The following PHF20 variants were observed in gnomAD, a reference collection of about 807,000 sequenced individuals.
PHF20 encodes glioma-expressed antigen 2.
Under a neutral mutation model 113.5 loss-of-function variants are expected in PHF20, and 23 were observed. That is an observed-to-expected ratio of 0.20 (90% CI 0.15 to 0.29). PHF20 has a LOEUF of 0.29. Ranked by LOEUF, PHF20 falls within the 10% of genes least tolerant of loss-of-function variation. The probability of loss-of-function intolerance (pLI) is 1.00; values close to 1 mark genes in which losing one functional copy is unlikely to be tolerated. For synonymous variants in PHF20, 434 were observed against 457.3 expected, an observed-to-expected ratio of 0.95 and a Z score of 0.65; for missense variants, 943 against 1,219.6, an observed-to-expected ratio of 0.77 and a Z score of 3.38.
intron 2 of PHF20, among the ~76,000 whole-genome samples, chr20:35,819,346 G>A (rs555922336): frequency 1.3e-5 from 2 of 152,176 alleles, no homozygotes; most frequent in Admixed American, 6.6e-5. Flanking sequence ...TGCTGCCTTC[G>A]CCTTCTTCCT....
At chr20:35,865,817 C>T (rs1403264429) in intron 6 of PHF20, among the ~76,000 whole-genome samples, 1 of 152,092 alleles carries the variant, frequency 6.6e-6, no homozygotes, top group South Asian at 2.1e-4. Context: ...ACCAAACCCT[C>T]TTATGTGATG....
intron 9 of PHF20, among the ~76,000 whole-genome samples, chr20:35,885,416 A>G (rs2054708418): frequency 6.8e-6 from 1 of 147,542 alleles, no homozygotes; most frequent in Non-Finnish European, 1.5e-5. Context: ...AATCTGAAAC[A>G]GACCTTCAGT....
intron 4 of PHF20, among the ~76,000 whole-genome samples, chr20:35,856,113 C>G (rs1034433469): frequency 6.6e-6 from 1 of 152,042 alleles, no homozygotes; most frequent in East Asian, 1.9e-4. Flanking sequence ...CTGCCTACTA[C>G]CCTTCCTAGC....
chr20:35,917,136 A>T (rs749527246), intron 12 of PHF20: 23 of 383,426 alleles, frequency 6.0e-5, no homozygotes, highest in Admixed American at 1.1e-4. Flanking sequence ...GGATGGAGTG[A>T]GGCTGAAGAA....
In PHF20 at chr20:35,917,589, G is replaced by A. The variant is rs370502808; in HGVS notation, c.1931G>A (p.Gly644Glu). ...ACCAACCCAGATGAGGAACTTGATG[G>A]GGATGACCGCTATGACTTCGAGGTG... Reference protein sequence around the residue: ...VTTNPDEELDGDDRYDFEVVR... With the variant: ...VTTNPDEELDEDDRYDFEVVR... Residue 644 changes from glycine (G) to glutamate (E), a missense_variant, in exon 13 of 18, where the codon GGG becomes GAG. Coordinates refer to ENST00000374012, the MANE Select transcript of PHF20 (RefSeq NM_016436.5). 44 of 1,613,964 alleles carry A rather than the reference G, an allele frequency of 2.7e-5. No individual in the cohort carries two copies. The highest frequency in any genetic ancestry group is 3.3e-5 in the Non-Finnish European group (39 of 1,180,016).
chr20:35,812,276 T>C (rs2041992092), intron 2 of PHF20, among the ~76,000 whole-genome samples: 1 of 152,178 alleles, frequency 6.6e-6, no homozygotes, highest in African/African-American at 2.4e-5. Flanking sequence ...CCAGACAGGA[T>C]CCACATTACT....
At chr20:35,827,322 A>C (rs959924289) in intron 2 of PHF20, among the ~76,000 whole-genome samples, 1 of 152,224 alleles carries the variant, frequency 6.6e-6, no homozygotes, top group African/African-American at 2.4e-5. Flanking sequence ...CAAACTGTTT[A>C]TATAGCAAAG....
intron 9 of PHF20, among the ~76,000 whole-genome samples, chr20:35,873,564 G>A (rs1034007846): frequency 4.6e-4 from 69 of 150,462 alleles, no homozygotes; most frequent in Non-Finnish European, 1.2e-4. Context: ...TGCCTCCCGG[G>A]TTGAAGCGAT....
At chr20:35,822,677 T>C (rs1600784778) in intron 2 of PHF20, among the ~76,000 whole-genome samples, 1 of 150,048 alleles carries the variant, frequency 6.7e-6, no homozygotes, top group Non-Finnish European at 1.5e-5. Flanking sequence ...CTACAAAAAA[T>C]AAAACAAATT....
intron 4 of PHF20, among the ~76,000 whole-genome samples, chr20:35,851,649 C>T (rs1365604076): frequency 6.9e-6 from 1 of 145,264 alleles, no homozygotes; most frequent in African/African-American, 2.5e-5. Flanking sequence ...GGCGCAGTGG[C>T]TTATGCCTGT....
At chr20:35,889,303 C>T (rs573337235) in intron 9 of PHF20, among the ~76,000 whole-genome samples, 3 of 151,924 alleles carry the variant, frequency 2.0e-5, no homozygotes, top group East Asian at 3.9e-4. Flanking sequence ...CGTGAGCCAC[C>T]GTGCCTGGTG....
intron 2 of PHF20, among the ~76,000 whole-genome samples, chr20:35,822,992 A>C (rs975491307): frequency 4.0e-5 from 6 of 151,776 alleles, no homozygotes; most frequent in African/African-American, 1.5e-4. Context: ...CCTCAGTACC[A>C]CCCAAGGACC....
At chr20:35,791,155 C>CTTCTTCCCTCTTTTCATT (rs1569120001) in intron 1 of PHF20, among the ~76,000 whole-genome samples, 1 of 152,116 alleles carries the variant, frequency 6.6e-6, no homozygotes. Flanking sequence ...CCGCGTCCGG[C>CTTCTTCCCTCTTTTCATT]CTGAACTGTT....
At chr20:35,932,457 G>A (rs1444348114) in intron 15 of PHF20, among the ~76,000 whole-genome samples, 5 of 128,882 alleles carry the variant, frequency 3.9e-5, no homozygotes, top group Admixed American at 3.4e-4. Context: ...TTGAGACAGA[G>A]TCTCGCTCTG....
At chr20:35,901,338 C>T (rs528941483) in intron 10 of PHF20, among the ~76,000 whole-genome samples, 189 of 150,984 alleles carry the variant, frequency 1.3e-3, no homozygotes, top group African/African-American at 4.3e-3. Flanking sequence ...TCGCTTGAAC[C>T]TAGGAAACAG....
intron 4 of PHF20, 120 bp from the exon 5 acceptor site, chr20:35,858,182 A>T (rs1434615014): frequency 4.0e-6 from 2 of 495,908 alleles, no homozygotes; most frequent in African/African-American, 3.9e-5. Flanking sequence ...TGATTCTTAA[A>T]CAGTTTTAAA....
chr20:35,945,363 CA>C (rs1280337964), intron 17 of PHF20, among the ~76,000 whole-genome samples: 1 of 152,148 alleles, frequency 6.6e-6, no homozygotes, highest in Non-Finnish European at 1.5e-5. Context: ...CCTGTAATGA[CA>C]AACCATAGTA....
intron 14 of PHF20, among the ~76,000 whole-genome samples, chr20:35,929,309 C>A (rs2055705439): frequency 6.6e-6 from 1 of 152,260 alleles, no homozygotes; most frequent in South Asian, 2.1e-4. Context: ...ATGCAGGTCC[C>A]CTCTGGGCCT....
chr20:35,931,876 G>A (rs560505085), intron 15 of PHF20, among the ~76,000 whole-genome samples: 4 of 151,758 alleles, frequency 2.6e-5, no homozygotes, highest in Non-Finnish European at 5.9e-5. Flanking sequence ...GCTTGAACCC[G>A]GGAGGCGGAG....
Sources: allele counts gnomAD v4.1 joint callset (sites outside exome capture counted in the v4.1 genomes callset), GRCh38; gene constraint gnomAD v4.1.1; transcripts MANE v1.5; gene names NCBI Gene and HGNC (gene_info 2026-07-23, HGNC 2026-07-21).